PHF14: variants seen among roughly 807,000 people sequenced by gnomAD.
The protein encoded by PHF14 is PHD finger protein 14.
In PHF14, 55 loss-of-function variants were observed where a neutral mutation model predicts 117.9. That is an observed-to-expected ratio of 0.47 (90% CI 0.38 to 0.58). The LOEUF is 0.58. Among genes scored for constraint, PHF14 ranks in the 20% least tolerant of loss-of-function variants. The pLI is 0.00. For synonymous variants in PHF14, 409 were observed against 368.6 expected (o/e 1.11, Z -1.26); for missense variants, 978 against 1,122.2 (o/e 0.87, Z 1.84).
intron 4 of PHF14, among the ~76,000 whole-genome samples, chr7:10,996,240 A>G (rs1363375671): frequency 6.6e-6 from 1 of 152,252 alleles, no homozygotes; most frequent in Non-Finnish European, 1.5e-5. Context: ...TTAGGAGACC[A>G]TTGCAATTAT....
intron 4 of PHF14, among the ~76,000 whole-genome samples, chr7:10,996,653 A>C (rs1780987614): frequency 6.6e-6 from 1 of 152,196 alleles, no homozygotes; most frequent in African/African-American, 2.4e-5. Flanking sequence ...TAAATATAAA[A>C]TACACAGAAG....
At chr7:11,145,792 T>C (rs749226901) in intron 17 of PHF14, among the ~76,000 whole-genome samples, 1 of 152,132 alleles carries the variant, frequency 6.6e-6, no homozygotes, top group Non-Finnish European at 1.5e-5. Context: ...AACAGTAAAT[T>C]AACATCATAG....
chr7:11,000,334 CTTTTTTTTTTTTT>C (rs71023882), intron 4 of PHF14, among the ~76,000 whole-genome samples: 2 of 60,348 alleles, frequency 3.3e-5, no homozygotes, highest in African/African-American at 6.7e-5. Context: ...GCTTATTTGC[CTTTTTTTTTTTTT>C]TTTTTTTTTT....
chr7:11,030,678 A>G (rs1225744035), intron 7 of PHF14, among the ~76,000 whole-genome samples: 1 of 152,190 alleles, frequency 6.6e-6, no homozygotes, highest in East Asian at 1.9e-4. Flanking sequence ...AGGATGTGAG[A>G]ATTAGCCCTG....
intron 17 of PHF14, among the ~76,000 whole-genome samples, chr7:11,157,678 T>C (rs1788906275): frequency 6.6e-6 from 1 of 152,214 alleles, no homozygotes; most frequent in African/African-American, 2.4e-5. Flanking sequence ...CTAATGGTTC[T>C]TAAACTGCAA....
At chr7:11,004,269 A>T (rs1349690923) in intron 4 of PHF14, among the ~76,000 whole-genome samples, 2 of 147,164 alleles carry the variant, frequency 1.4e-5, no homozygotes, top group African/African-American at 2.5e-5. Context: ...AAAAAAAAAA[A>T]GAAAAGAAAA....
intron 16 of PHF14, chr7:11,106,267 T>A: frequency 1.0e-6 from 1 of 962,820 alleles, no homozygotes; most frequent in Non-Finnish European, 1.2e-6. Flanking sequence ...TTAAAATTAA[T>A]TTTTATGTGT....
intron 16 of PHF14, among the ~76,000 whole-genome samples, chr7:11,096,238 T>C (rs1226814693): frequency 6.6e-6 from 1 of 152,160 alleles, no homozygotes; most frequent in Non-Finnish European, 1.5e-5. Context: ...TCCATGTATT[T>C]TGTAAAGAAG....
intron 16 of PHF14, among the ~76,000 whole-genome samples, chr7:11,079,583 GCTGA>G (rs1021253345): frequency 3.9e-5 from 6 of 151,948 alleles, no homozygotes; most frequent in Admixed American, 1.3e-4. Flanking sequence ...ATTTTGTTTT[GCTGA>G]CTTTCTTTTT....
chr7:11,012,637 C>A (rs1341668923), intron 4 of PHF14, among the ~76,000 whole-genome samples: 2 of 152,094 alleles, frequency 1.3e-5, no homozygotes, highest in East Asian at 3.8e-4. Flanking sequence ...AAGAGCATTG[C>A]CAAGTTATCT....
intron 16 of PHF14, among the ~76,000 whole-genome samples, chr7:11,092,148 G>A (rs1282745601): frequency 2.0e-5 from 3 of 152,130 alleles, no homozygotes; most frequent in Non-Finnish European, 4.4e-5. Context: ...TGACTTTAAA[G>A]TTGTGGAATA....
chr7:11,087,179 A>T (rs1434403856), intron 16 of PHF14, among the ~76,000 whole-genome samples: 1 of 147,614 alleles, frequency 6.8e-6, no homozygotes. Flanking sequence ...ATGGTAATAG[A>T]AAGCACTGCC....
intron 17 of PHF14, among the ~76,000 whole-genome samples, chr7:11,149,899 T>C (rs1788658787): frequency 6.6e-6 from 1 of 152,084 alleles, no homozygotes. Flanking sequence ...TCTTTTCTGC[T>C]TGTGTTGGCT....
At chr7:10,997,990 C>G (rs1032403963) in intron 4 of PHF14, among the ~76,000 whole-genome samples, 9 of 152,114 alleles carry the variant, frequency 5.9e-5, no homozygotes, top group African/African-American at 2.2e-4. Context: ...ATCTTAGAGG[C>G]TGCCTACCAC....
intron 4 of PHF14, among the ~76,000 whole-genome samples, chr7:10,995,096 G>T (rs1782589328): frequency 6.6e-6 from 1 of 152,118 alleles, no homozygotes; most frequent in Non-Finnish European, 1.5e-5. Flanking sequence ...GCACTGATTG[G>T]TGCATTTACA....
intron 16 of PHF14, chr7:11,063,429 A>G (rs1785308630): frequency 1.0e-6 from 1 of 973,558 alleles, no homozygotes; most frequent in South Asian, 4.8e-5. Flanking sequence ...AAAGAAAAAA[A>G]ATAACAATCT....
At chr7:11,122,412 CGTAT>C (rs1787800438) in intron 17 of PHF14, among the ~76,000 whole-genome samples, 2 of 119,570 alleles carry the variant, frequency 1.7e-5, no homozygotes, top group East Asian at 2.4e-4. Context: ...TATATATACA[CGTAT>C]ATATATATAC....
At chr7:11,006,053 A>G (rs1233869894) in intron 4 of PHF14, among the ~76,000 whole-genome samples, 2 of 152,004 alleles carry the variant, frequency 1.3e-5, no homozygotes, top group South Asian at 4.1e-4. Context: ...CGGCCTCCCA[A>G]AGTGCTGGGA....
At chr7:11,095,038 G>A (rs1786792970) in intron 16 of PHF14, among the ~76,000 whole-genome samples, 1 of 152,102 alleles carries the variant, frequency 6.6e-6, no homozygotes, top group African/African-American at 2.4e-5. Flanking sequence ...TACTGAGCCT[G>A]AGGGAACACA....
Sources: allele counts gnomAD v4.1 joint callset (sites outside exome capture counted in the v4.1 genomes callset), GRCh38; gene constraint gnomAD v4.1.1; transcripts MANE v1.5; gene names NCBI Gene and HGNC (gene_info 2026-07-23, HGNC 2026-07-21).